The following APOL5 variants were observed in gnomAD, a reference collection of about 807,000 sequenced individuals.
The protein encoded by APOL5 is apolipoprotein L5, also known as apolipoprotein L, 5.
APOL5 carries 29 observed loss-of-function variants against 35.5 expected under a neutral mutation model. The ratio of observed to expected loss-of-function variants is 0.82; its 90% confidence interval spans 0.61 to 1.11. APOL5 has a LOEUF of 1.11. Ranked by LOEUF, APOL5 falls within the 50% of genes most tolerant of loss-of-function variation. The pLI is 0.00. For missense variants in APOL5, 514 were observed against 530.4 expected (o/e 0.97, Z 0.30); for synonymous variants, 188 against 200.2 (o/e 0.94, Z 0.51).
intron 2 of APOL5, among the ~76,000 whole-genome samples, chr22:35,725,391 G>A (rs1217482795): frequency 1.3e-5 from 2 of 151,958 alleles, no homozygotes; most frequent in Admixed American, 6.6e-5. Flanking sequence ...TCAGCTTCCC[G>A]AGTAGCTTGG....
chr22:35,723,841 C>T (rs367638655), intron 2 of APOL5, among the ~76,000 whole-genome samples: 3 of 152,170 alleles, frequency 2.0e-5, no homozygotes, highest in Non-Finnish European at 2.9e-5. Flanking sequence ...GCATCATGCC[C>T]GGCTACTCGG....
the APOL5 span, among the ~76,000 whole-genome samples, chr22:35,710,113 C>G: frequency 1.2e-5 from 1 of 86,668 alleles, no homozygotes; most frequent in Non-Finnish European, 2.1e-5. Context: ...CTTTCTTTCT[C>G]TTTTTTTTTT....
At chr22:35,713,935 G>C (rs1926664113), upstream of APOL5, among the ~76,000 whole-genome samples, 1 of 152,128 alleles carries the variant, frequency 6.6e-6, no homozygotes, top group Non-Finnish European at 1.5e-5. Flanking sequence ...CCTACAATTA[G>C]AGACCTCTCA....
chr22:35,710,299 C>A, the APOL5 span, among the ~76,000 whole-genome samples: 2 of 148,978 alleles, frequency 1.3e-5, no homozygotes, highest in Non-Finnish European at 3.0e-5. Context: ...AATTTTTTTT[C>A]TTTTTTATTC....
At chr22:35,722,555 C>T (rs573714249) in intron 2 of APOL5, among the ~76,000 whole-genome samples, 3 of 152,180 alleles carry the variant, frequency 2.0e-5, no homozygotes, top group Non-Finnish European at 2.9e-5. Flanking sequence ...GCTGCCTAGG[C>T]CTCCCAAAGT....
chr22:35,726,191 G>A lies in APOL5; in HGVS notation c.143-20G>A, dbSNP rs375554709. On this transcript the variant is annotated intron_variant, in intron 2 of 4. Transcript: ENST00000249044. ...CCTCCTGCACACATTTTAGTGCTCA[G>A]ATTGCCTAGATGTCTTTAGCCTCAC... The A allele has an allele frequency of 1.3e-6, 2 of 1,595,104 alleles. No homozygotes were observed. Among genetic ancestry groups the A allele is most frequent in the Admixed American group, 1.7e-5 (1 of 59,290 alleles).
At chr22:35,710,905 G>A in the APOL5 span, among the ~76,000 whole-genome samples, 6 of 152,190 alleles carry the variant, frequency 3.9e-5, no homozygotes, top group South Asian at 2.1e-4. Flanking sequence ...AGTGGCTCAC[G>A]CCTGTAATCC....
At chr22:35,727,318 A>G in intron 3 of APOL5, 124 bp downstream of exon 3, 1 of 1,405,772 alleles carries the variant, frequency 7.1e-7, no homozygotes, top group Non-Finnish European at 9.5e-7. Context: ...TTCTGCAAAG[A>G]GAGGACTTGC....
chr22:35,717,724 G>A (rs1406605753), upstream of APOL5: 1 of 403,684 alleles, frequency 2.5e-6, no homozygotes, highest in African/African-American at 3.0e-5. Flanking sequence ...GGGCAGCAGA[G>A]AGAAGCTCCA....
intron 3 of APOL5, among the ~76,000 whole-genome samples, chr22:35,727,820 GT>G (rs1163504275): frequency 1.3e-5 from 2 of 152,216 alleles, no homozygotes; most frequent in Non-Finnish European, 2.9e-5. Context: ...TATTTGAAAA[GT>G]AGTTTACATT....
rs1217806520 is a variant in APOL5 at position 35,728,882 on chromosome 22, G to A, written c.1286G>A (p.Gly429Glu). ...GCAAGAAAGGGGAGACAGGCCCCGGGAAGACACCGACAATGAGAAGAGGTA... is the reference window on the plus strand; with the variant it reads ...GCAAGAAAGGGGAGACAGGCCCCGGAAAGACACCGACAATGAGAAGAGGTA... ...APARKGRQAPGRHRQ is the reference protein window; with the variant it reads ...APARKGRQAPERHRQ Residue 429 changes from glycine (G) to glutamate (E), a missense_variant, in exon 4 of 5, where the codon GGA (glycine) becomes GAA (glutamate). By Grantham distance (98) the Gly-to-Glu change is moderately conservative (BLOSUM62 -2). Coordinates refer to ENST00000249044, the MANE Select transcript of APOL5 (RefSeq NM_030642.1). The A allele has an allele frequency of 2.5e-6, 4 of 1,604,718 alleles. No homozygotes were observed. The Middle Eastern group carries it at 5.0e-4, about 200-fold the overall frequency.
chr22:35,720,485 G>T, intron 1 of APOL5, 83 bp from the exon 2 acceptor site: 1 of 1,187,288 alleles, frequency 8.4e-7, no homozygotes, highest in Non-Finnish European at 1.2e-6. Flanking sequence ...TAATTAGACA[G>T]CCAACTTTCC....
At position 35,728,872 on chromosome 22, in the gene APOL5, C is replaced by T. The variant is rs1927271518; in HGVS notation, c.1276C>T (p.Gln426Ter). The change falls in exon 4 of 5, where the codon CAG (glutamine) becomes TAG (stop). Residue 426 changes from glutamine to a stop codon, truncating the protein, a stop_gained. Transcript: ENST00000249044. LOFTEE classifies it low-confidence loss of function (END_TRUNC). ...ACCAGCACCAGCAAGAAAGGGGAGA[C>T]AGGCCCCGGGAAGACACCGACAATG... ...APPAPARKGR[Q>*]APGRHRQ 3.7e-6 allele frequency: 6 copies of T among 1,609,114 alleles called. No individual in the cohort carries two copies. The highest frequency in any genetic ancestry group is 5.1e-6 in the Non-Finnish European group (6 of 1,177,922).
chr22:35,728,566 C>A (rs941349668), intron 3 of APOL5, among the ~76,000 whole-genome samples, 157 bp from the exon 4 acceptor site: 1 of 152,300 alleles, frequency 6.6e-6, no homozygotes, highest in Middle Eastern at 3.4e-3. Context: ...TCTGCGGTGC[C>A]GCCAAGTTTG....
intron 2 of APOL5, among the ~76,000 whole-genome samples, chr22:35,722,696 G>A (rs1927014667): frequency 1.3e-5 from 2 of 152,166 alleles, no homozygotes; most frequent in Admixed American, 1.3e-4. Context: ...ATAAGGGACT[G>A]GGCTCATTGA....
upstream of APOL5, among the ~76,000 whole-genome samples, chr22:35,715,927 C>A (rs1402491943): frequency 1.3e-5 from 2 of 151,898 alleles, no homozygotes; most frequent in African/African-American, 4.8e-5. Context: ...AATAATGGGA[C>A]AAATCAAAGT....
intron 1 of APOL5, among the ~76,000 whole-genome samples, chr22:35,718,249 G>T (rs1926828529): frequency 6.6e-6 from 1 of 152,196 alleles, no homozygotes; most frequent in South Asian, 2.1e-4. Context: ...TCCATTTCTG[G>T]TTAAAGTAGA....
At chr22:35,717,952 A>G (rs779147734) in intron 1 of APOL5, 26 bp downstream of exon 1, 4 of 1,536,624 alleles carry the variant, frequency 2.6e-6, no homozygotes, top group Non-Finnish European at 1.8e-6. Context: ...CTTTCAGAAA[A>G]CAAGCAATTC....
chr22:35,725,414 C>T (rs1198499482), intron 2 of APOL5, among the ~76,000 whole-genome samples: 1 of 152,074 alleles, frequency 6.6e-6, no homozygotes, highest in Non-Finnish European at 1.5e-5. Flanking sequence ...TACACCACAC[C>T]CGGCTAACTT....
Sources: allele counts gnomAD v4.1 joint callset (sites outside exome capture counted in the v4.1 genomes callset), GRCh38; gene constraint gnomAD v4.1.1; transcripts MANE v1.5; gene names NCBI Gene and HGNC (gene_info 2026-07-23, HGNC 2026-07-21).